Variants in SELENON observed in about 807,000 individuals in gnomAD.
The protein encoded by SELENON is selenoprotein N, 1.
In SELENON, 44 loss-of-function variants were observed where a neutral mutation model predicts 59.5. That is an observed-to-expected ratio of 0.74 (90% CI 0.58 to 0.95). The LOEUF (loss-of-function observed/expected upper bound fraction) is 0.95, where lower values mean the gene tolerates loss of function less well. Ranked by LOEUF, SELENON falls within the 40% of genes least tolerant of loss-of-function variation. The probability of loss-of-function intolerance (pLI) is 0.00; values close to 1 mark genes in which losing one functional copy is unlikely to be tolerated. For synonymous variants in SELENON, 320 were observed against 305.6 expected (o/e 1.05, Z -0.49); for missense variants, 674 against 721.4 (o/e 0.93, Z 0.75).
chr1:25,808,219 G>A (rs1206706057), intron 4 of SELENON, among the ~76,000 whole-genome samples: 1 of 152,234 alleles, frequency 6.6e-6, no homozygotes, highest in Admixed American at 6.5e-5. Flanking sequence ...TAGGATGGAG[G>A]TGGGACTATG....
intron 1 of SELENON, among the ~76,000 whole-genome samples, chr1:25,800,649 G>A (rs1213116879): frequency 6.6e-6 from 1 of 152,006 alleles, no homozygotes; most frequent in African/African-American, 2.4e-5. Context: ...AGACTGGAGG[G>A]GTCTCTATCC....
chr1:25,815,601 GGAAATC>G lies in SELENON; in HGVS notation c.1659_1664del (p.Ile554_Glu555del). 6.2e-7 allele frequency: 1 copy of G among 1,614,196 alleles called. No individual in the cohort carries two copies. The highest frequency in any genetic ancestry group is 8.5e-7 in the Non-Finnish European group (1 of 1,180,032). On this transcript the variant is annotated inframe_deletion, in exon 13 of 13. Transcript: ENST00000361547. ...TGGACATCACCTCCGTGAAGCCCGA[GGAAATC>G]GAGAGCAATCTCTTCAGCTTCTCAT...
At position 25,808,678 on chromosome 1, in the gene SELENON, G is replaced by A. The variant is rs753371063; in HGVS notation, c.636G>A (p.Pro212=). The A allele has an allele frequency of 1.3e-5, 21 of 1,613,918 alleles. No homozygotes were observed. Among genetic ancestry groups the A allele is most frequent in the East Asian group, 1.1e-4 (5 of 44,888 alleles). Reference sequence around the variant, plus strand: ...GCCACTTCCAGCCCTTCCTTCCCCCGCCAGGCCAGGAGCTGGGTGAGCCCT... The same window carrying A: ...GCCACTTCCAGCCCTTCCTTCCCCCACCAGGCCAGGAGCTGGGTGAGCCCT... Residue 212 remains proline (P), a synonymous_variant, in exon 5 of 13, where the codon CCG becomes CCA. Transcript: ENST00000361547.
At chr1:25,805,465 A>G (rs759421394) in intron 4 of SELENON, among the ~76,000 whole-genome samples, 190 bp downstream of exon 3, 5 of 152,132 alleles carry the variant, frequency 3.3e-5, no homozygotes, top group Non-Finnish European at 5.9e-5. Context: ...GAGAAGCATT[A>G]GCTTCTGCCC....
intron 3 of SELENON, 91 bp from the exon 3 acceptor site, chr1:25,805,051 G>C: frequency 6.4e-7 from 1 of 1,565,546 alleles, no homozygotes. Flanking sequence ...CCCCTGCCTG[G>C]CTCCGTTAAT....
At chr1:25,812,276 G>A (rs57622416) in intron 9 of SELENON, among the ~76,000 whole-genome samples, 7,405 of 152,114 alleles carry the variant, frequency 0.049, 597 homozygotes, top group African/African-American at 0.17. Context: ...GAGCCCAGGA[G>A]TTCAAGGCTG....
intron 12 of SELENON, 97 bp downstream of exon 11, chr1:25,814,275 G>C: frequency 2.2e-6 from 2 of 905,312 alleles, no homozygotes; most frequent in Non-Finnish European, 3.5e-6. Flanking sequence ...ATCAGGCTTC[G>C]GGACTGTCCC....
In SELENON at chr1:25,818,057, G is replaced by A. The variant is rs1363300497; in HGVS notation, c.*2339G>A. ...GAGCCAGCCTGGTCCCATGGAAAAT[G>A]ATGGCCTGGGCTTTCTGAGGCCTTA... On this transcript the variant is annotated 3_prime_UTR_variant, in exon 13 of 13. Coordinates refer to ENST00000361547, the MANE Select transcript of SELENON (RefSeq NM_020451.3). 1 of 152,360 alleles carries A rather than the reference G, an allele frequency of 6.6e-6. No homozygotes were observed. Among genetic ancestry groups the A allele is most frequent in the Non-Finnish European group, 1.5e-5 (1 of 68,126 alleles). The allele number at this position is 152,360 out of a possible 1,614,324, so 9.4% of individuals were successfully genotyped here. A position where few individuals can be genotyped will look rare whatever the true frequency, so the allele number is the denominator to read the frequency against.
At position 25,807,840 on chromosome 1, in the gene SELENON, G is replaced by A. The variant is rs182420104; in HGVS notation, c.538-740G>A. Among the ~76,000 whole-genome samples the A allele has an allele frequency of 2.6e-5, 4 of 152,274 alleles. No individual in the cohort carries two copies. Among genetic ancestry groups the A allele is most frequent in the African/African-American group, 7.2e-5 (3 of 41,552 alleles). On this transcript the variant is annotated intron_variant, in intron 4 of 12. Transcript: ENST00000361547. The surrounding 1 kb of genome is among the most constrained non-coding windows in gnomAD (Gnocchi z 4.5). ...GTAGACAGCTCTGTGGTCTCTGAGC[G>A]TCCTCTCCGAGCCATCAGCTTGTCA...
At chr1:25,810,658 G>A (rs1185282687) in intron 7 of SELENON, among the ~76,000 whole-genome samples, 1 of 152,232 alleles carries the variant, frequency 6.6e-6, no homozygotes, top group Non-Finnish European at 1.5e-5. Context: ...GGCGTGAGAG[G>A]ATGGTCGGGA....
intron 4 of SELENON, 37 bp downstream of exon 3, chr1:25,805,312 T>A: frequency 6.2e-7 from 1 of 1,613,394 alleles, no homozygotes; most frequent in African/African-American, 1.3e-5. Flanking sequence ...GTCATCTGTG[T>A]GTATCCCGAA....
rs1238303047 is a variant in SELENON, at chr1:25,816,706, CTT to C, written c.*992_*993del. 4 of 152,706 alleles carry C rather than the reference CTT, an allele frequency of 2.6e-5. No individual in the cohort carries two copies. The highest frequency in any genetic ancestry group is 4.4e-5 in the Non-Finnish European group (3 of 68,086). 9.5% of individuals were successfully genotyped at this position (152,706 alleles called of 1,614,324 possible). The stretch of plus-strand genomic sequence containing the variant: ...GAGCCACTGACCACGGCCAGTCTCT[CTT>C]TTTATATGTGCAGAAAAGTGTTTTT... On this transcript the variant is annotated 3_prime_UTR_variant, in exon 13 of 13. Coordinates refer to ENST00000361547, the MANE Select transcript of SELENON (RefSeq NM_020451.3).
intron 12 of SELENON, among the ~76,000 whole-genome samples, chr1:25,814,649 A>G (rs1172132896): frequency 6.6e-6 from 1 of 152,236 alleles, no homozygotes; most frequent in Non-Finnish European, 1.5e-5. Context: ...ATGGATGGTC[A>G]TGAATACCCA....
In SELENON at chr1:25,816,320, G is replaced by C. The variant is rs1446265268; in HGVS notation, c.*602G>C. ...GAACCCTCCATCAGAGTGGAAATCA[G>C]ACGGGACCCCCTGCAGCTTCCCTGA... On this transcript the variant is annotated 3_prime_UTR_variant, in exon 13 of 13. Coordinates refer to ENST00000361547, the MANE Select transcript of SELENON (RefSeq NM_020451.3). 6.5e-6 allele frequency: 1 copy of C among 152,782 alleles called. No homozygotes were observed. Among genetic ancestry groups the C allele is most frequent in the African/African-American group, 2.4e-5 (1 of 41,472 alleles). The allele number at this position is 152,782 out of a possible 1,614,324, so 9.5% of individuals were successfully genotyped here.
rs1421642706 is a variant in SELENON at position 25,805,051 on chromosome 1, G to T, written c.404-91G>T. 3.8e-6 allele frequency: 6 copies of T among 1,565,428 alleles called. No homozygotes were observed. The Admixed American group carries it at 5.0e-5, about 13-fold the overall frequency. ...CCCAGCTACCCCCACCCCCTGCCTG[G>T]CTCCGTTAATCACCAGCTAGTGTGG... On this transcript the variant is annotated intron_variant, in intron 3 of 12. Transcript: ENST00000361547.
In SELENON at chr1:25,815,985, C is replaced by T. The variant is rs184807941; in HGVS notation, c.*267C>T. On this transcript the variant is annotated 3_prime_UTR_variant, in exon 13 of 13. Coordinates refer to ENST00000361547, the MANE Select transcript of SELENON (RefSeq NM_020451.3). ...CATTTGGCTCTGGAAGCTGCTTGGCCCCCCCAGATCAGGGCCTGGGTGAAC... is the reference window on the plus strand; with the variant it reads ...CATTTGGCTCTGGAAGCTGCTTGGCTCCCCCAGATCAGGGCCTGGGTGAAC... The T allele has an allele frequency of 4.0e-6, 2 of 495,444 alleles. No homozygotes were observed. The highest frequency in any genetic ancestry group is 3.7e-6 in the Non-Finnish European group (1 of 270,584). The allele number at this position is 495,444 out of a possible 1,614,324, so 30.7% of individuals were successfully genotyped here. A position where few individuals can be genotyped will look rare whatever the true frequency, so the allele number is the denominator to read the frequency against.
At chr1:25,814,949 A>C (rs926203259) in intron 12 of SELENON, among the ~76,000 whole-genome samples, 1 of 152,058 alleles carries the variant, frequency 6.6e-6, no homozygotes, top group African/African-American at 2.4e-5. Flanking sequence ...CACCAGGCGG[A>C]AGGCATCTGC....
Position 25,808,603 on chromosome 1 carries a change from C to A in SELENON, c.561C>A (p.Gly187=). Residue 187 remains glycine, a synonymous_variant, in exon 5 of 13, where the codon GGC becomes GGA. Transcript: ENST00000361547. ...AGGTCTCCCGCCTCGCCCTGTCCGGCCTCCGAAACTGGACAGCCGCCGCCT... is the reference window on the plus strand; with the variant it reads ...AGGTCTCCCGCCTCGCCCTGTCCGGACTCCGAAACTGGACAGCCGCCGCCT... 1 of 1,613,786 alleles carries A rather than the reference C, an allele frequency of 6.2e-7. No homozygotes were observed. The highest frequency in any genetic ancestry group is 8.5e-7 in the Non-Finnish European group (1 of 1,179,932).
intron 12 of SELENON, 31 bp downstream of exon 11, chr1:25,814,209 C>G (rs777927875): frequency 1.3e-6 from 2 of 1,593,438 alleles, no homozygotes; most frequent in Non-Finnish European, 1.7e-6. Context: ...CCCACAGGGC[C>G]CAGGCACCTC....
Sources: allele counts gnomAD v4.1 joint callset (sites outside exome capture counted in the v4.1 genomes callset), GRCh38; gene constraint gnomAD v4.1.1; non-coding constraint Gnocchi (gnomAD v3.1); transcripts MANE v1.5; gene names NCBI Gene and HGNC (gene_info 2026-07-23, HGNC 2026-07-21).